Variants in KLHL5 observed in about 807,000 individuals in gnomAD.
The protein encoded by KLHL5 is kelch like family member 5.
KLHL5 carries 48 observed loss-of-function variants against 77.7 expected under a neutral mutation model. The ratio of observed to expected loss-of-function variants is 0.62; its 90% CI spans 0.49 to 0.79. The LOEUF (loss-of-function observed/expected upper bound fraction) is 0.79. Ranked by LOEUF, KLHL5 falls within the 30% of genes least tolerant of loss-of-function variation. The pLI is 0.00. For missense variants in KLHL5, 723 were observed against 859.7 expected (o/e 0.84, Z 1.99); for synonymous variants, 260 against 297.0 (o/e 0.88, Z 1.28).
chr4:39,108,515 A>G (rs902574855), intron 8 of KLHL5, among the ~76,000 whole-genome samples: 3 of 152,164 alleles, frequency 2.0e-5, no homozygotes, highest in Non-Finnish European at 2.9e-5. Context: ...TTTATATTTT[A>G]GGACCTAAGA....
At position 39,115,262 on chromosome 4, in the gene KLHL5, G is replaced by A. The variant is rs1305397526; in HGVS notation, c.2005G>A (p.Gly669Arg). 1 of 1,613,992 alleles carries A rather than the reference G, an allele frequency of 6.2e-7. No individual in the cohort carries two copies. The highest frequency in any genetic ancestry group is 2.2e-5 in the East Asian group (1 of 44,860). ...TGGTGATAAGTTATATGCTGTTGGG[G>A]GGTATGATGGACAGGCATACCTTAA... ...LLGDKLYAVG[G>R]YDGQAYLNTV... Residue 669 changes from glycine to arginine, a missense_variant, in exon 10 of 11, where the codon GGG becomes AGG. This residue lies in a region of KLHL5 where 214 missense variants were observed against 237.4 expected (regional missense o/e 0.90). Coordinates refer to ENST00000504108, the MANE Select transcript of KLHL5 (RefSeq NM_015990.5).
chr4:39,132,633 A>C, the KLHL5 span, among the ~76,000 whole-genome samples: 3 of 152,052 alleles, frequency 2.0e-5, no homozygotes, highest in Non-Finnish European at 4.4e-5. Flanking sequence ...AGAAAGGAAA[A>C]GAAAACTCTA....
At chr4:39,141,454 GC>G in the KLHL5 span, among the ~76,000 whole-genome samples, 1 of 151,814 alleles carries the variant, frequency 6.6e-6, no homozygotes, top group East Asian at 1.9e-4. Context: ...GACTACAGGC[GC>G]CCGCCACCAC....
At chr4:39,102,302 G>A (rs1721642723) in intron 6 of KLHL5, among the ~76,000 whole-genome samples, 1 of 150,156 alleles carries the variant, frequency 6.7e-6, no homozygotes, top group Non-Finnish European at 1.5e-5. Flanking sequence ...TTTTTAGAGG[G>A]TTTTGTTTTT....
rs1717492358 is a variant in KLHL5 at position 39,062,347 on chromosome 4, G to A, written c.-306G>A. On this transcript the variant is annotated 5_prime_UTR_variant, in exon 1 of 11. An upstream start codon of the reference 5' UTR is lost. Coordinates refer to ENST00000504108, the MANE Select transcript of KLHL5 (RefSeq NM_015990.5). ...GCTGTCAGTGTTTGTGAGACCTAATGGTCAGTATGGGAAAGGAGAGCCGGG... is the reference window on the plus strand; with the variant it reads ...GCTGTCAGTGTTTGTGAGACCTAATAGTCAGTATGGGAAAGGAGAGCCGGG... 1 of 1,425,400 alleles carries A rather than the reference G, an allele frequency of 7.0e-7. No individual in the cohort carries two copies. The highest frequency in any genetic ancestry group is 1.4e-5 in the African/African-American group (1 of 69,438). The allele number at this position is 1,425,400 out of a possible 1,614,324, so 88.3% of individuals were successfully genotyped here.
the KLHL5 span, among the ~76,000 whole-genome samples, chr4:39,142,442 G>A: frequency 6.6e-5 from 10 of 151,622 alleles, no homozygotes; most frequent in Non-Finnish European, 1.0e-4. Context: ...AGACTTCTTC[G>A]GTAAAGTCAG....
At chr4:39,077,578 A>T (rs1213445096) in intron 2 of KLHL5, among the ~76,000 whole-genome samples, 1 of 152,160 alleles carries the variant, frequency 6.6e-6, no homozygotes, top group East Asian at 1.9e-4. Context: ...ATCGAAAAAT[A>T]ATCAATGTTG....
At chr4:39,110,163 A>G (rs1429472653) in intron 8 of KLHL5, among the ~76,000 whole-genome samples, 1 of 152,210 alleles carries the variant, frequency 6.6e-6, no homozygotes, top group African/African-American at 2.4e-5. Flanking sequence ...TTTAAAATGT[A>G]TTACAAGTTC....
intron 5 of KLHL5, among the ~76,000 whole-genome samples, chr4:39,090,443 TGTATG>T (rs1720424199): frequency 6.6e-6 from 1 of 151,534 alleles, no homozygotes; most frequent in Non-Finnish European, 1.5e-5. Context: ...TGATCCTTTT[TGTATG>T]GTTTTTTTTT....
At chr4:39,113,972 G>A (rs1722650541) in intron 9 of KLHL5, among the ~76,000 whole-genome samples, 1 of 151,808 alleles carries the variant, frequency 6.6e-6, no homozygotes, top group Non-Finnish European at 1.5e-5. Context: ...GTGACAGAGA[G>A]TGTGTGTGTG....
chr4:39,062,409 G>C lies in KLHL5; in HGVS notation c.-244G>C. 1 of 1,478,588 alleles carries C rather than the reference G, an allele frequency of 6.8e-7. No individual in the cohort carries two copies. Among genetic ancestry groups the C allele is most frequent in the East Asian group, 2.4e-5 (1 of 40,896 alleles). 91.6% of individuals were successfully genotyped at this position (1,478,588 alleles called of 1,614,324 possible). A position where few individuals can be genotyped will look rare whatever the true frequency, so the allele number is the denominator to read the frequency against. On this transcript the variant is annotated 5_prime_UTR_variant, in exon 1 of 11. Transcript: ENST00000504108. ...GCTGCTTCAGGATAGGTGGATGAGA[G>C]TTTGCTCTGATTGAACGGAATGTTC... is the stretch of plus-strand genomic sequence containing the variant.
intron 10 of KLHL5, chr4:39,120,370 C>T (rs7677729): frequency 0.52 from 79,798 of 152,110 alleles, 21,537 homozygotes; most frequent in Non-Finnish European, 0.6. Context: ...AGCAACCCTC[C>T]CCTGACTTCT....
intron 1 of KLHL5, among the ~76,000 whole-genome samples, chr4:39,054,276 G>A (rs555607956): frequency 6.6e-6 from 1 of 152,268 alleles, no homozygotes; most frequent in African/African-American, 2.4e-5. Context: ...AAGCACTGTG[G>A]TGTATTCGAA....
intron 7 of KLHL5, among the ~76,000 whole-genome samples, chr4:39,105,669 A>G (rs1335642897): frequency 1.3e-5 from 2 of 151,524 alleles, no homozygotes; most frequent in Non-Finnish European, 2.9e-5. Context: ...AAATGTGTAT[A>G]TGCACATATA....
At chr4:39,107,938 T>G (rs35739603) in intron 8 of KLHL5, among the ~76,000 whole-genome samples, 2 of 151,564 alleles carry the variant, frequency 1.3e-5, no homozygotes, top group African/African-American at 4.8e-5. Flanking sequence ...CTATACATTT[T>G]TAGTTATCAT....
upstream of KLHL5, among the ~76,000 whole-genome samples, chr4:39,061,623 ATTGT>A (rs767524236): frequency 1.2e-4 from 18 of 152,276 alleles, no homozygotes; most frequent in Non-Finnish European, 2.2e-4. Context: ...TGTTCAAACC[ATTGT>A]TTGTTTTGCT....
chr4:39,097,013 G>A, intron 6 of KLHL5, 135 bp downstream of exon 6: 1 of 695,398 alleles, frequency 1.4e-6, no homozygotes, highest in African/African-American at 1.8e-5. Flanking sequence ...AGATAATTGT[G>A]TAACATCCTC....
intron 4 of KLHL5, among the ~76,000 whole-genome samples, chr4:39,082,647 G>A (rs957810147): frequency 1.3e-5 from 2 of 152,148 alleles, no homozygotes; most frequent in African/African-American, 4.8e-5. Flanking sequence ...AGCAAATTAT[G>A]TGCTCAATAA....
At position 39,115,073 on chromosome 4, in the gene KLHL5, T is replaced by C. The variant is rs1722737130; in HGVS notation, c.1902-86T>C. On this transcript the variant is annotated intron_variant, in intron 9 of 10. Transcript: ENST00000504108. ...ATTTGATTACATAGTAGATAATGAG[T>C]CAGAAGATAGACTTGAAGAACAAAA... 4 of 1,171,444 alleles carry C rather than the reference T, an allele frequency of 3.4e-6. No homozygotes were observed. In the East Asian group the frequency reaches 9.8e-5, roughly 29 times the overall value. 72.6% of individuals were successfully genotyped at this position (1,171,444 alleles called of 1,614,324 possible).
Sources: allele counts gnomAD v4.1 joint callset (sites outside exome capture counted in the v4.1 genomes callset), GRCh38; gene constraint gnomAD v4.1.1; regional missense constraint gnomAD v4.1.1; transcripts MANE v1.5; gene names NCBI Gene and HGNC (gene_info 2026-07-23, HGNC 2026-07-21).